The following SLC24A2 variants were observed in gnomAD, a reference collection of about 807,000 sequenced individuals.
The protein encoded by SLC24A2 is solute carrier family 24 member 2.
A neutral mutation model predicts 62.0 loss-of-function variants in SLC24A2; 36 were observed. The observed-to-expected ratio is 0.58, with a 90% CI of 0.44 to 0.77. SLC24A2 has a LOEUF of 0.77. SLC24A2 is among the 30% of genes least tolerant of loss of function. The pLI, the probability that SLC24A2 is intolerant of heterozygous loss-of-function variation, is 0.00. For missense variants in SLC24A2, 846 were observed against 817.9 expected, an observed-to-expected ratio of 1.03 and a Z score of -0.42; for synonymous variants, 358 against 294.0, an observed-to-expected ratio of 1.22 and a Z score of -2.23.
At chr9:20,282,162 T>G in the SLC24A2 span, among the ~76,000 whole-genome samples, 1 of 152,072 alleles carries the variant, frequency 6.6e-6, no homozygotes, top group East Asian at 1.9e-4. Flanking sequence ...GGAAAACAAA[T>G]AAGACCAGAG....
the SLC24A2 span, among the ~76,000 whole-genome samples, chr9:19,964,800 C>G: frequency 1.3e-5 from 2 of 152,206 alleles, no homozygotes; most frequent in Non-Finnish European, 2.9e-5. Flanking sequence ...CTACCTTCCC[C>G]TGTGGTCTTC....
chr9:19,923,958 C>T, the SLC24A2 span, among the ~76,000 whole-genome samples: 1 of 152,098 alleles, frequency 6.6e-6, no homozygotes, highest in African/African-American at 2.4e-5. Context: ...AGGCTGGTCT[C>T]GAACTCCTTA....
At chr9:20,084,713 A>T in the SLC24A2 span, among the ~76,000 whole-genome samples, 1 of 152,080 alleles carries the variant, frequency 6.6e-6, no homozygotes. Context: ...CATTATTTCT[A>T]TGCAACTCAT....
chr9:20,245,650 C>T, the SLC24A2 span, among the ~76,000 whole-genome samples: 5 of 151,984 alleles, frequency 3.3e-5, no homozygotes, highest in African/African-American at 7.3e-5. Flanking sequence ...AAAGGTCAAG[C>T]GAATTGAGAT....
chr9:19,886,049 C>T, the SLC24A2 span, among the ~76,000 whole-genome samples: 3 of 152,054 alleles, frequency 2.0e-5, no homozygotes, highest in Non-Finnish European at 4.4e-5. Context: ...AATAGTGCTG[C>T]GAGGAACATA....
At chr9:19,524,045 C>T (rs1195616817) in intron 9 of SLC24A2, among the ~76,000 whole-genome samples, 3 of 141,562 alleles carry the variant, frequency 2.1e-5, no homozygotes, top group Non-Finnish European at 3.0e-5. Flanking sequence ...ATGGACGGGA[C>T]AGTACTCTGA....
At chr9:20,211,053 A>T in the SLC24A2 span, among the ~76,000 whole-genome samples, 1 of 152,024 alleles carries the variant, frequency 6.6e-6, no homozygotes, top group African/African-American at 2.4e-5. Context: ...AGGAAAAAAG[A>T]TCTTTTTATT....
chr9:19,574,360 T>C (rs1282684279), intron 6 of SLC24A2, among the ~76,000 whole-genome samples: 1 of 152,124 alleles, frequency 6.6e-6, no homozygotes, highest in Non-Finnish European at 1.5e-5. Context: ...GAGAAGTGAC[T>C]CTAGGGTAAT....
chr9:20,133,117 A>G, the SLC24A2 span, among the ~76,000 whole-genome samples: 1 of 152,074 alleles, frequency 6.6e-6, no homozygotes, highest in East Asian at 1.9e-4. Context: ...AAAGCCTAAA[A>G]AGTAGGGCAG....
chr9:20,189,079 T>TC, the SLC24A2 span, among the ~76,000 whole-genome samples: 15 of 102,974 alleles, frequency 1.5e-4, no homozygotes, highest in South Asian at 1.4e-3. Flanking sequence ...TTTTTTTCTT[T>TC]TTTTTTTTTT....
chr9:19,520,017 G>A (rs1486122599), intron 10 of SLC24A2, among the ~76,000 whole-genome samples: 1 of 152,166 alleles, frequency 6.6e-6, no homozygotes, highest in Non-Finnish European at 1.5e-5. Context: ...GGATTATTGT[G>A]TGGCTTAAAT....
rs1232489610 is a variant in SLC24A2 at position 19,636,319 on chromosome 9, CTTTCTTTCTTTCTTT to C, written c.931-14035_931-14021del. Among the ~76,000 whole-genome samples the C allele has an allele frequency of 6.2e-4, 27 of 43,482 alleles. 1 individual carries two copies. The highest frequency in any genetic ancestry group is 0.014 in the Middle Eastern group (1 of 74). The allele number at this position is 43,482 out of a possible 152,430, so 28.5% of individuals were successfully genotyped here. On this transcript the variant is annotated intron_variant, in intron 2 of 10. Coordinates refer to ENST00000341998, the MANE Select transcript of SLC24A2 (RefSeq NM_020344.4). ...CTTTTCTTTTCTTTTCTTTTCTTTT[CTTTCTTTCTTTCTTT>C]CTTTCTTTCTTTCTTTCTTTCTTTC...
chr9:20,162,612 C>A, the SLC24A2 span, among the ~76,000 whole-genome samples: 14 of 152,122 alleles, frequency 9.2e-5, no homozygotes, highest in Middle Eastern at 3.4e-3. Flanking sequence ...AAGAGGGAAT[C>A]CTCCCTAACT....
At chr9:19,649,165 C>T (rs1473494383) in intron 2 of SLC24A2, among the ~76,000 whole-genome samples, 1 of 152,040 alleles carries the variant, frequency 6.6e-6, no homozygotes, top group Non-Finnish European at 1.5e-5. Flanking sequence ...GTAAAAACTG[C>T]AAGTGTTCAG....
chr9:19,916,988 T>TTTTG, the SLC24A2 span, among the ~76,000 whole-genome samples: 5 of 147,164 alleles, frequency 3.4e-5, no homozygotes, highest in Non-Finnish European at 7.5e-5. Flanking sequence ...CCTGTTTTTT[T>TTTTG]TTTTTTTTTT....
intron 5 of SLC24A2, among the ~76,000 whole-genome samples, chr9:19,584,037 C>T (rs937898524): frequency 6.6e-6 from 1 of 152,008 alleles, no homozygotes; most frequent in Admixed American, 6.5e-5. Context: ...TGTTACAGTC[C>T]TTATTTCAGC....
Position 19,636,319 on chromosome 9 carries a change from CTTTCTTT to C in SLC24A2, c.931-14027_931-14021del, listed in dbSNP as rs1345841699. 6.7e-3 allele frequency among the ~76,000 whole-genome samples: 291 copies of C among 43,392 alleles called. 33 individuals are homozygous for C. Among genetic ancestry groups the C allele is most frequent in the East Asian group, 0.015 (30 of 1,972 alleles). 28.5% of individuals were successfully genotyped at this position (43,392 alleles called of 152,430 possible). A position where few individuals can be genotyped will look rare whatever the true frequency, so the allele number is the denominator to read the frequency against. ...CTTTTCTTTTCTTTTCTTTTCTTTT[CTTTCTTT>C]CTTTCTTTCTTTCTTTCTTTCTTTC... is the stretch of plus-strand genomic sequence containing the variant. On this transcript the variant is annotated intron_variant, in intron 2 of 10. Coordinates refer to ENST00000341998, the MANE Select transcript of SLC24A2 (RefSeq NM_020344.4).
rs1041226765 is a variant in SLC24A2 at position 19,732,151 on chromosome 9, C to T, written c.930+53786G>A. Among the ~76,000 whole-genome samples, 7 of 152,262 alleles carry T rather than the reference C, an allele frequency of 4.6e-5. No homozygotes were observed. In the South Asian group the frequency reaches 1.5e-3, roughly 32 times the overall value. ...CTTCCTGGTGAACTTTTAGACAGAA[C>T]TGCAAAAGGGCAGGTGCAAATATTT... On this transcript the variant is annotated intron_variant, in intron 2 of 10. Coordinates refer to ENST00000341998, the MANE Select transcript of SLC24A2 (RefSeq NM_020344.4).
the SLC24A2 span, among the ~76,000 whole-genome samples, chr9:20,233,836 A>C: frequency 6.6e-6 from 1 of 152,088 alleles, no homozygotes; most frequent in African/African-American, 2.4e-5. Context: ...GGTCTTTACA[A>C]TTTGGCATGT....
Sources: allele counts gnomAD v4.1 joint callset (sites outside exome capture counted in the v4.1 genomes callset), GRCh38; gene constraint gnomAD v4.1.1; transcripts MANE v1.5; gene names NCBI Gene and HGNC (gene_info 2026-07-23, HGNC 2026-07-21).